The following MSH4 variants were observed in gnomAD, a reference collection of about 807,000 sequenced individuals.
MSH4 encodes mutS protein homolog 4.
Under a neutral mutation model 113.7 loss-of-function variants are expected in MSH4, and 106 were observed. That is an observed-to-expected ratio of 0.93 (90% CI 0.80 to 1.10). The LOEUF (loss-of-function observed/expected upper bound fraction) is 1.10, where lower values mean the gene tolerates loss of function less well. Among genes scored for constraint, MSH4 ranks in the 50% least tolerant of loss-of-function variants. The pLI is 0.00. For synonymous variants in MSH4, 368 were observed against 380.2 expected, an observed-to-expected ratio of 0.97 and a Z score of 0.37; for missense variants, 1,061 against 1,093.7, an observed-to-expected ratio of 0.97 and a Z score of 0.42.
intron 19 of MSH4, among the ~76,000 whole-genome samples, chr1:75,912,487 T>A (rs1363442775): frequency 1.3e-5 from 2 of 152,118 alleles, no homozygotes; most frequent in African/African-American, 4.8e-5. Context: ...ATACTCAGAA[T>A]AAATTATGTT....
Position 75,885,316 on chromosome 1 carries a change from GGGGT to G in MSH4, c.2107+1497_2107+1500del, listed in dbSNP as rs1413684033. On this transcript the variant is annotated intron_variant, in intron 15 of 19. Coordinates refer to ENST00000263187, the MANE Select transcript of MSH4 (RefSeq NM_002440.4). ...ACGTAGTATATATAGACTCACACTG[GGGGT>G]GTGTGTGTGTGTGTGTGTGTGTATA... Among the ~76,000 whole-genome samples the G allele has an allele frequency of 3.2e-4, 25 of 77,024 alleles. No homozygotes were observed. In the East Asian group the frequency reaches 3.8e-3, roughly 12 times the overall value. The allele number at this position is 77,024 out of a possible 152,430, so 50.5% of individuals were successfully genotyped here.
chr1:75,800,273 C>T (rs1649906945), intron 1 of MSH4, among the ~76,000 whole-genome samples: 1 of 152,162 alleles, frequency 6.6e-6, no homozygotes, highest in Non-Finnish European at 1.5e-5. Context: ...TACACCCTGT[C>T]CACACCTTTG....
rs778708130 is a variant in MSH4, at chr1:75,878,179, A to G, written c.1401A>G (p.Thr467=). 2.5e-6 allele frequency: 4 copies of G among 1,605,132 alleles called. No individual in the cohort carries two copies. The Admixed American group carries it at 5.2e-5, about 21-fold the overall frequency. Residue 467 remains threonine, a synonymous_variant, in exon 11 of 20, where the codon ACA becomes ACG. Transcript: ENST00000263187. ...GAATCATACTTGAAAAGATTAAAAC[A>G]GTAATTAATGATGATGCAAGATACA... The part of the protein sequence containing the change: ...RFGIILEKIK[T]VINDDARYMK...
At chr1:75,827,689 A>T (rs1650587460) in intron 7 of MSH4, among the ~76,000 whole-genome samples, 1 of 151,994 alleles carries the variant, frequency 6.6e-6, no homozygotes, top group South Asian at 2.1e-4. Context: ...AGTAAAGTAA[A>T]AAGCAGAGAT....
chr1:75,891,262 T>C (rs1292542768), intron 17 of MSH4, among the ~76,000 whole-genome samples: 1 of 152,170 alleles, frequency 6.6e-6, no homozygotes, highest in Non-Finnish European at 1.5e-5. Flanking sequence ...ACAAATCAAC[T>C]ATGTAAAACA....
chr1:75,911,321 A>G (rs1157837509), intron 19 of MSH4, among the ~76,000 whole-genome samples: 1 of 152,110 alleles, frequency 6.6e-6, no homozygotes, highest in East Asian at 1.9e-4. Context: ...ATTACTTGCC[A>G]TTTCATCATA....
At chr1:75,883,948 A>C in intron 15 of MSH4, 127 bp downstream of exon 15, 1 of 676,488 alleles carries the variant, frequency 1.5e-6, no homozygotes, top group Non-Finnish European at 2.5e-6. Context: ...GTTACCTAAA[A>C]GTATAACAGT....
rs774095092 is a variant in MSH4 at position 75,797,153 on chromosome 1, G to A, written c.168G>A (p.Thr56=). Residue 56 remains threonine, a synonymous_variant, in exon 1 of 20, where the codon ACG becomes ACA. Coordinates refer to ENST00000263187, the MANE Select transcript of MSH4 (RefSeq NM_002440.4). ...TCTCTGCATCCACCTGTCCTGGCACGTCAGGAGCTGCGGGCGACCGGAGCA... is the reference window on the plus strand; with the variant it reads ...TCTCTGCATCCACCTGTCCTGGCACATCAGGAGCTGCGGGCGACCGGAGCA... ...QVVSASTCPG[T]SGAAGDRSSS... 2.5e-6 allele frequency: 4 copies of A among 1,612,858 alleles called. No individual in the cohort carries two copies. Among genetic ancestry groups the A allele is most frequent in the Non-Finnish European group, 2.5e-6 (3 of 1,179,544 alleles).
intron 9 of MSH4, among the ~76,000 whole-genome samples, chr1:75,867,879 T>C (rs1214169226): frequency 6.6e-6 from 1 of 152,094 alleles, no homozygotes; most frequent in Non-Finnish European, 1.5e-5. Flanking sequence ...ATTATCAAAT[T>C]CAGAATAATT....
At chr1:75,862,447 A>C (rs1651478541) in intron 8 of MSH4, among the ~76,000 whole-genome samples, 1 of 152,174 alleles carries the variant, frequency 6.6e-6, no homozygotes, top group African/African-American at 2.4e-5. Flanking sequence ...CCTTTAAACT[A>C]AGGAAAACTT....
chr1:75,863,872 C>A (rs866329869), intron 8 of MSH4, among the ~76,000 whole-genome samples: 23 of 152,002 alleles, frequency 1.5e-4, no homozygotes, highest in South Asian at 2.1e-4. Flanking sequence ...ATATACAATA[C>A]AGAAAACTGT....
chr1:75,827,664 CAA>C (rs201976546), intron 7 of MSH4, among the ~76,000 whole-genome samples: 37 of 118,316 alleles, frequency 3.1e-4, no homozygotes, highest in Middle Eastern at 4.9e-3. Context: ...AAATGGAAAG[CAA>C]AAAAAAAAAA....
intron 7 of MSH4, among the ~76,000 whole-genome samples, chr1:75,846,324 G>A (rs1427015605): frequency 1.3e-5 from 2 of 152,196 alleles, no homozygotes; most frequent in African/African-American, 4.8e-5. Flanking sequence ...GCCAGGCTAA[G>A]AGTTTTCATA....
chr1:75,834,510 G>C (rs1320790914), intron 7 of MSH4, among the ~76,000 whole-genome samples: 1 of 152,198 alleles, frequency 6.6e-6, no homozygotes, highest in Admixed American at 6.5e-5. Flanking sequence ...ATTCACAGTA[G>C]CAAAGACTTG....
intron 9 of MSH4, among the ~76,000 whole-genome samples, chr1:75,875,464 G>A (rs955399925): frequency 6.6e-6 from 1 of 152,058 alleles, no homozygotes; most frequent in African/African-American, 2.4e-5. Context: ...AAGAAATCAT[G>A]TCAATTATAA....
chr1:75,804,172 C>T (rs1429683058), intron 2 of MSH4, among the ~76,000 whole-genome samples: 1 of 152,100 alleles, frequency 6.6e-6, no homozygotes, highest in Non-Finnish European at 1.5e-5. Context: ...AGAAACCTCT[C>T]CCTTTTATAC....
intron 9 of MSH4, among the ~76,000 whole-genome samples, chr1:75,874,901 T>C (rs1651784169): frequency 6.6e-6 from 1 of 152,116 alleles, no homozygotes; most frequent in Non-Finnish European, 1.5e-5. Flanking sequence ...TATTTATTTA[T>C]TTATTATTTG....
At chr1:75,812,778 A>C (rs578050250) in intron 4 of MSH4, among the ~76,000 whole-genome samples, 4 of 152,194 alleles carry the variant, frequency 2.6e-5, no homozygotes, top group African/African-American at 9.6e-5. Flanking sequence ...GATAGGAGAC[A>C]GGGACCCTAT....
chr1:75,826,590 G>A (rs1650560005), intron 7 of MSH4, among the ~76,000 whole-genome samples: 1 of 152,066 alleles, frequency 6.6e-6, no homozygotes, highest in African/African-American at 2.4e-5. Context: ...TCTCTGATGT[G>A]GGCATTTAGT....
Sources: allele counts gnomAD v4.1 joint callset (sites outside exome capture counted in the v4.1 genomes callset), GRCh38; gene constraint gnomAD v4.1.1; transcripts MANE v1.5; gene names NCBI Gene and HGNC (gene_info 2026-07-23, HGNC 2026-07-21).